The following NFATC4 variants were observed in gnomAD, a reference collection of about 807,000 sequenced individuals.
The protein encoded by NFATC4 is nuclear factor of activated T cells 4.
NFATC4 carries 25 observed loss-of-function variants against 73.4 expected under a neutral mutation model. The ratio of observed to expected loss-of-function variants is 0.34; its 90% confidence interval spans 0.25 to 0.48. The LOEUF (loss-of-function observed/expected upper bound fraction) is 0.48, where lower values mean the gene tolerates loss of function less well. Ranked by LOEUF, NFATC4 falls within the 20% of genes least tolerant of loss-of-function variation. NFATC4 has a pLI of 0.99. For missense variants in NFATC4, 1,130 were observed against 1,203.7 expected (o/e 0.94, Z 0.91); for synonymous variants, 523 against 510.3 (o/e 1.02, Z -0.34).
At chr14:24,367,657 AG>A, upstream of NFATC4, 1 of 1,535,914 alleles carries the variant, frequency 6.5e-7, no homozygotes, top group Non-Finnish European at 8.7e-7. Context: ...GCCCCAGGCA[AG>A]GGAGGCGGAA....
At chr14:24,372,774 T>G in intron 3 of NFATC4, 171 bp downstream of exon 3, 1 of 745,774 alleles carries the variant, frequency 1.3e-6, no homozygotes, top group South Asian at 1.7e-5. Flanking sequence ...CCGGATATAC[T>G]TTCTACTCCT....
chr14:24,368,394 G>C lies in NFATC4; in HGVS notation c.54G>C (p.Gly18=). The C allele has an allele frequency of 7.4e-7, 1 of 1,357,612 alleles. No homozygotes were observed. The highest frequency in any genetic ancestry group is 9.5e-7 in the Non-Finnish European group (1 of 1,053,648). The allele number at this position is 1,357,612 out of a possible 1,614,324, so 84.1% of individuals were successfully genotyped here. A position where few individuals can be genotyped will look rare whatever the true frequency, so the allele number is the denominator to read the frequency against. Residue 18 remains glycine (G), a synonymous_variant, in exon 1 of 10, where the codon GGG becomes GGC. Coordinates refer to ENST00000250373, the MANE Select transcript of NFATC4 (RefSeq NM_004554.5). ...DEELEFKLVF[G]EEKEAPPLGA... ...AGCTGGAATTTAAGCTGGTGTTCGG[G>C]GAGGAAAAGGAGGCCCCCCCGCTGG...
rs1054880467 is a variant in NFATC4 at position 24,369,748 on chromosome 14, G to A, written c.350G>A (p.Arg117His). Residue 117 changes from arginine (R) to histidine (H), a missense_variant, in exon 2 of 10, where the codon CGC becomes CAC. By Grantham distance (29) the Arg-to-His change is conservative. Coordinates refer to ENST00000250373, the MANE Select transcript of NFATC4 (RefSeq NM_004554.5). ...CGTGTTCTCGAGTGTCCCAGCATCC[G>A]CATCACCTCCATCTCTCCCACGCCG... ...GGRVLECPSI[R>H]ITSISPTPEP... 7 of 1,605,410 alleles carry A rather than the reference G, an allele frequency of 4.4e-6. No homozygotes were observed. Among genetic ancestry groups the A allele is most frequent in the African/African-American group, 4.0e-5 (3 of 74,668 alleles).
chr14:24,369,394 C>A (rs763973945), intron 1 of NFATC4, 105 bp from the exon 2 acceptor site: 2 of 1,602,980 alleles, frequency 1.2e-6, no homozygotes, highest in Non-Finnish European at 1.7e-6. Context: ...TGCTGAGGGG[C>A]AGGGAGCATA....
At chr14:24,367,320 T>G, upstream of NFATC4, 1 of 1,543,760 alleles carries the variant, frequency 6.5e-7, no homozygotes, top group South Asian at 1.2e-5. Context: ...CTGGCAAGGA[T>G]TTTTAGAAGA....
upstream of NFATC4, chr14:24,367,573 G>C: frequency 6.5e-7 from 1 of 1,536,158 alleles, no homozygotes; most frequent in South Asian, 1.2e-5. Context: ...TTCATCTTTG[G>C]GGGTCCTGGA....
intron 1 of NFATC4, 148 bp from the exon 2 acceptor site, chr14:24,369,351 T>G: frequency 6.3e-7 from 1 of 1,598,818 alleles, no homozygotes; most frequent in East Asian, 2.2e-5. Context: ...CAGGTCCAAC[T>G]CTGCTTTTGT....
chr14:24,379,195 A>G lies in NFATC4; in HGVS notation c.*1490A>G, dbSNP rs1365744901. ...CCTCGCCTGTTGCTGCTTTGCAATG[A>G]ATTTCCTTTACCTTTCTGGAACACA... is the stretch of plus-strand genomic sequence containing the variant. On this transcript the variant is annotated 3_prime_UTR_variant, in exon 10 of 10. Coordinates refer to ENST00000250373, the MANE Select transcript of NFATC4 (RefSeq NM_004554.5). 2 of 152,178 alleles carry G rather than the reference A, an allele frequency of 1.3e-5. No individual in the cohort carries two copies. The highest frequency in any genetic ancestry group is 4.8e-5 in the African/African-American group (2 of 41,402). The allele number at this position is 152,178 out of a possible 1,614,324, so 9.4% of individuals were successfully genotyped here.
chr14:24,374,921 C>T (rs562776967), intron 6 of NFATC4, among the ~76,000 whole-genome samples: 155 of 152,170 alleles, frequency 1.0e-3, no homozygotes, highest in Non-Finnish European at 1.4e-3. Context: ...AGGCCTTTGC[C>T]CTCTCCAAAC....
chr14:24,376,611 T>A lies in NFATC4; in HGVS notation c.2374T>A (p.Tyr792Asn). 1 of 1,613,720 alleles carries A rather than the reference T, an allele frequency of 6.2e-7. No individual in the cohort carries two copies. The highest frequency in any genetic ancestry group is 8.5e-7 in the Non-Finnish European group (1 of 1,179,876). Reference protein sequence around the residue: ...FLPRPFPSDPYGGRGSSFSLG... With the variant: ...FLPRPFPSDPNGGRGSSFSLG... ...TCCCCGCCCCTTCCCTAGTGACCCG[T>A]ATGGAGGGCGGGGCTCCTCTTTCTC... The change falls in exon 9 of 10, where the codon TAT becomes AAT. Residue 792 changes from tyrosine to asparagine, a missense_variant. Tyr to Asn is a moderately radical substitution (Grantham distance 143, BLOSUM62 -2). Coordinates refer to ENST00000250373, the MANE Select transcript of NFATC4 (RefSeq NM_004554.5). This position sits in a 1 kb window ranked among gnomAD's most constrained non-coding sequence, Gnocchi z 5.0.
rs1044181676 is a variant in NFATC4 at position 24,373,101 on chromosome 14, A to C, written c.1360-70A>C. ...CCATTCCCATCCCATGGTAGACTGAAAATCTAGGGATGAATAAAGGATGAG... is the reference window on the plus strand; with the variant it reads ...CCATTCCCATCCCATGGTAGACTGACAATCTAGGGATGAATAAAGGATGAG... On this transcript the variant is annotated intron_variant, in intron 3 of 9. Transcript: ENST00000250373. The surrounding 1 kb of genome is among the most constrained non-coding windows in gnomAD (Gnocchi z 4.7). 185 of 1,487,840 alleles carry C rather than the reference A, an allele frequency of 1.2e-4. No homozygotes were observed. Among genetic ancestry groups the C allele is most frequent in the Non-Finnish European group, 1.5e-4 (159 of 1,077,068 alleles). The allele number at this position is 1,487,840 out of a possible 1,614,324, so 92.2% of individuals were successfully genotyped here.
Position 24,370,272 on chromosome 14 carries a change from G to C in NFATC4, c.874G>C (p.Glu292Gln). Residue 292 changes from glutamate (E) to glutamine (Q), a missense_variant, in exon 2 of 10, where the codon GAA becomes CAA. Physicochemically the swap from Glu to Gln is conservative, Grantham distance 29 (BLOSUM62 2). Transcript: ENST00000250373. ...TCTGTCCCGCCGTGGCAGCCTGGGG[G>C]AAGAGGGGTCTGAGCCACCTCCACC... ...PALSRRGSLG[E>Q]EGSEPPPPPP... is the part of the protein sequence containing the mutation. 1 of 1,612,778 alleles carries C rather than the reference G, an allele frequency of 6.2e-7. No homozygotes were observed. The highest frequency in any genetic ancestry group is 2.2e-5 in the East Asian group (1 of 44,866).
upstream of NFATC4, chr14:24,367,116 C>A (rs751846443): frequency 3.7e-6 from 6 of 1,614,022 alleles, no homozygotes; most frequent in Admixed American, 8.3e-5. Context: ...CACCGAGTCA[C>A]GAATCTCCCA....
chr14:24,367,723 C>T, upstream of NFATC4: 1 of 1,499,562 alleles, frequency 6.7e-7, no homozygotes, highest in Non-Finnish European at 8.9e-7. Flanking sequence ...CCAGGACCCT[C>T]CTGGCCTCAG....
At position 24,373,924 on chromosome 14, in the gene NFATC4, G is replaced by A. The variant is rs147469288; in HGVS notation, c.1732+57G>A. 1.2e-6 allele frequency: 2 copies of A among 1,603,358 alleles called. No individual in the cohort carries two copies. The highest frequency in any genetic ancestry group is 4.5e-5 in the East Asian group (2 of 44,352). On this transcript the variant is annotated intron_variant, in intron 5 of 9. Transcript: ENST00000250373. The surrounding 1 kb of genome is among the most constrained non-coding windows in gnomAD (Gnocchi z 4.7). ...TCTCTTGCAACTCTTTTGTCTGTGTGTGTGTGTCTGTCTGCCCATTCCCTC... is the reference window on the plus strand; with the variant it reads ...TCTCTTGCAACTCTTTTGTCTGTGTATGTGTGTCTGTCTGCCCATTCCCTC...
At chr14:24,372,365 C>T in intron 2 of NFATC4, 76 bp from the exon 3 acceptor site, 1 of 1,477,160 alleles carries the variant, frequency 6.8e-7, no homozygotes, top group Non-Finnish European at 9.2e-7. Flanking sequence ...CATACCCCCT[C>T]CTCCCTCACA....
At chr14:24,375,817 A>G (rs1283194714) in intron 7 of NFATC4, 102 bp downstream of exon 7, 12 of 1,546,494 alleles carry the variant, frequency 7.8e-6, no homozygotes, top group Non-Finnish European at 1.1e-5. Flanking sequence ...TTTCTGGAGG[A>G]GGGAGACTGG....
upstream of NFATC4, chr14:24,367,179 A>ACTCCAGTCCAGGTCTTCCTTCCTC: frequency 6.2e-7 from 1 of 1,611,150 alleles, no homozygotes; most frequent in Non-Finnish European, 8.5e-7. Context: ...TTTCCCGGAA[A>ACTCCAGTCCAGGTCTTCCTTCCTC]CTCCAGTCCA....
chr14:24,377,747 T>C lies in NFATC4; in HGVS notation c.*42T>C, dbSNP rs2042667324. The C allele has an allele frequency of 1.9e-6, 3 of 1,614,010 alleles. No homozygotes were observed. The highest frequency in any genetic ancestry group is 2.5e-6 in the Non-Finnish European group (3 of 1,179,904). On this transcript the variant is annotated 3_prime_UTR_variant, in exon 10 of 10. Transcript: ENST00000250373. The surrounding 1 kb of genome is among the most constrained non-coding windows in gnomAD (Gnocchi z 4.2). ...TCACCTGGCAACCCCAGCCCCAGCC[T>C]CAGCCCTGCCCCCTTTCCCTCCTTC...
Sources: allele counts gnomAD v4.1 joint callset (sites outside exome capture counted in the v4.1 genomes callset), GRCh38; gene constraint gnomAD v4.1.1; non-coding constraint Gnocchi (gnomAD v3.1); transcripts MANE v1.5; gene names NCBI Gene and HGNC (gene_info 2026-07-23, HGNC 2026-07-21).